The following CEP63 variants were observed in gnomAD, a reference collection of about 807,000 sequenced individuals.
CEP63 encodes centrosomal protein of 63 kDa.
Under a neutral mutation model 89.1 loss-of-function variants are expected in CEP63, and 84 were observed. The ratio of observed to expected loss-of-function variants is 0.94; its 90% CI spans 0.79 to 1.13. The LOEUF is 1.13. CEP63 is among the 50% of genes most tolerant of loss of function. The pLI, the probability that CEP63 is intolerant of heterozygous loss-of-function variation, is 0.00. For missense variants in CEP63, 838 were observed against 813.3 expected (o/e 1.03, Z -0.37); for synonymous variants, 267 against 272.5 (o/e 0.98, Z 0.20).
At chr3:134,679,679 A>G in the CEP63 span, among the ~76,000 whole-genome samples, 1 of 152,220 alleles carries the variant, frequency 6.6e-6, no homozygotes, top group East Asian at 1.9e-4. Flanking sequence ...AATTAAGTTA[A>G]AATGAAGTCA....
chr3:134,651,660 T>C, the CEP63 span: 1 of 951,230 alleles, frequency 1.1e-6, no homozygotes, highest in Non-Finnish European at 1.3e-6. Flanking sequence ...AACATGCCCA[T>C]TGAGTATCAA....
the CEP63 span, among the ~76,000 whole-genome samples, chr3:134,650,185 A>C: frequency 1.3e-5 from 2 of 152,196 alleles, no homozygotes; most frequent in African/African-American, 4.8e-5. Context: ...TACAACTTAC[A>C]AATTTACCCA....
chr3:134,747,137 A>G, the CEP63 span, among the ~76,000 whole-genome samples: 6 of 152,310 alleles, frequency 3.9e-5, no homozygotes, highest in African/African-American at 1.2e-4. Flanking sequence ...AGCTTTCTAC[A>G]TATGACTAGC....
At chr3:134,717,659 G>C in the CEP63 span, among the ~76,000 whole-genome samples, 1 of 152,166 alleles carries the variant, frequency 6.6e-6, no homozygotes, top group South Asian at 2.1e-4. Context: ...AAATATGTCT[G>C]TTTCCACTTA....
chr3:134,591,526 G>A (rs553324959), downstream of CEP63, among the ~76,000 whole-genome samples: 2 of 152,148 alleles, frequency 1.3e-5, no homozygotes, highest in Non-Finnish European at 2.9e-5. Context: ...CCTCAGGTCT[G>A]GGGATCTTTG....
At chr3:134,686,136 C>T in the CEP63 span, among the ~76,000 whole-genome samples, 1 of 152,170 alleles carries the variant, frequency 6.6e-6, no homozygotes, top group East Asian at 1.9e-4. Flanking sequence ...GAACCTGGCA[C>T]AGTACCTGGC....
chr3:134,742,376 G>C, the CEP63 span, among the ~76,000 whole-genome samples: 13 of 152,192 alleles, frequency 8.5e-5, no homozygotes, highest in Admixed American at 8.5e-4. Context: ...GGAGGAACAT[G>C]GGTGTGGGTG....
At chr3:134,597,916 G>A in the CEP63 span, 7 of 152,244 alleles carry the variant, frequency 4.6e-5, no homozygotes, top group Non-Finnish European at 1.0e-4. Flanking sequence ...CAGGAGGACA[G>A]GAGGGAAATA....
At chr3:134,708,036 A>G in the CEP63 span, among the ~76,000 whole-genome samples, 5 of 152,162 alleles carry the variant, frequency 3.3e-5, no homozygotes, top group African/African-American at 9.7e-5. Context: ...GAGGGACAGG[A>G]TAACCTAGGG....
At chr3:134,502,676 T>G (rs1942357707) in intron 2 of CEP63, among the ~76,000 whole-genome samples, 1 of 152,182 alleles carries the variant, frequency 6.6e-6, no homozygotes, top group Non-Finnish European at 1.5e-5. Flanking sequence ...GTCACCTTTG[T>G]CATTTCTGAT....
chr3:134,551,422 A>T (rs1954796429), intron 11 of CEP63, among the ~76,000 whole-genome samples: 1 of 152,178 alleles, frequency 6.6e-6, no homozygotes, highest in Non-Finnish European at 1.5e-5. Context: ...GAAATCAGAT[A>T]GTTTTTGCCA....
At chr3:134,704,016 A>G in the CEP63 span, among the ~76,000 whole-genome samples, 1 of 151,990 alleles carries the variant, frequency 6.6e-6, no homozygotes, top group South Asian at 2.1e-4. Flanking sequence ...TGTGATCTCT[A>G]TTTACCTGTT....
chr3:134,487,626 G>A (rs1182694111), intron 1 of CEP63, among the ~76,000 whole-genome samples: 2 of 152,190 alleles, frequency 1.3e-5, no homozygotes, highest in Admixed American at 6.5e-5. Flanking sequence ...GAAGGTTTCA[G>A]GAACTGAATC....
the CEP63 span, among the ~76,000 whole-genome samples, chr3:134,704,417 A>G: frequency 6.6e-6 from 1 of 151,510 alleles, no homozygotes; most frequent in East Asian, 1.9e-4. Flanking sequence ...GGAAAGAGGG[A>G]GAGAGAGAGA....
the CEP63 span, among the ~76,000 whole-genome samples, chr3:134,621,677 C>T: frequency 2.0e-5 from 3 of 152,094 alleles, no homozygotes; most frequent in South Asian, 4.1e-4. Flanking sequence ...TTAGATATGG[C>T]ACCAAAAGCA....
At chr3:134,754,809 C>G in the CEP63 span, among the ~76,000 whole-genome samples, 3 of 152,224 alleles carry the variant, frequency 2.0e-5, no homozygotes, top group Non-Finnish European at 4.4e-5. Context: ...CTGCTCCACT[C>G]CTAACCATGA....
chr3:134,695,713 G>A, the CEP63 span, among the ~76,000 whole-genome samples: 3 of 152,296 alleles, frequency 2.0e-5, no homozygotes, highest in Admixed American at 1.3e-4. Context: ...ACTCACCTGC[G>A]CCTAGGAAAC....
At chr3:134,520,925 A>C (rs1381312810) in intron 3 of CEP63, among the ~76,000 whole-genome samples, 1 of 152,226 alleles carries the variant, frequency 6.6e-6, no homozygotes, top group Non-Finnish European at 1.5e-5. Flanking sequence ...GATTTTCTAG[A>C]AGATGACATA....
At chr3:134,646,313 T>C in the CEP63 span, among the ~76,000 whole-genome samples, 1 of 152,308 alleles carries the variant, frequency 6.6e-6, no homozygotes, top group Non-Finnish European at 1.5e-5. Flanking sequence ...TCAGGGTGGC[T>C]CCCTGGCAGT....
Sources: gnomAD v4.1 joint callset for allele counts (sites outside exome capture counted in the v4.1 genomes callset) on GRCh38, gnomAD v4.1.1 for gene constraint, MANE v1.5 for transcripts, NCBI Gene and HGNC (gene_info 2026-07-23, HGNC 2026-07-21) for gene names.